Variants in CTNNA3 observed in about 807,000 individuals in gnomAD.
CTNNA3 encodes the protein catenin alpha 3, also known as catenin alpha-3.
In CTNNA3, 76 loss-of-function variants were observed where a neutral mutation model predicts 95.7. The ratio of observed to expected loss-of-function variants is 0.79; its 90% CI spans 0.66 to 0.96. CTNNA3 has a LOEUF of 0.96. CTNNA3 is among the 40% of genes least tolerant of loss of function. CTNNA3 has a pLI of 0.00. For missense variants in CTNNA3, 1,191 were observed against 1,089.8 expected (o/e 1.09, Z -1.31); for synonymous variants, 431 against 374.4 (o/e 1.15, Z -1.74).
intron 13 of CTNNA3, among the ~76,000 whole-genome samples, chr10:66,174,138 G>A (rs1437220508): frequency 6.6e-6 from 1 of 152,172 alleles, no homozygotes; most frequent in Non-Finnish European, 1.5e-5. Flanking sequence ...GCAAAGTTAA[G>A]TAACTTTCCC....
intron 11 of CTNNA3, among the ~76,000 whole-genome samples, chr10:66,414,722 G>A (rs1291554867): frequency 6.6e-6 from 1 of 152,080 alleles, no homozygotes; most frequent in Non-Finnish European, 1.5e-5. Context: ...GAAGCATTAG[G>A]CTGCTGCTCC....
intron 15 of CTNNA3, among the ~76,000 whole-genome samples, chr10:66,032,067 A>G (rs9645490): frequency 0.12 from 17,828 of 152,236 alleles, 1,241 homozygotes; most frequent in Non-Finnish European, 0.15. Context: ...GAGAACAGCT[A>G]AACATAAAAG....
intron 13 of CTNNA3, among the ~76,000 whole-genome samples, chr10:66,151,274 G>C (rs761946595): frequency 2.6e-5 from 4 of 151,944 alleles, no homozygotes; most frequent in Admixed American, 6.6e-5. Flanking sequence ...AAGGAAGTGT[G>C]ATAGGAGGGC....
chr10:67,037,350 G>A lies in CTNNA3; in HGVS notation c.1047+142967C>T, dbSNP rs115315153. ...AGCAGTTACTATGTGGCAACACTAT[G>A]TGGCAACAATGGAAATCTAAAAAAA... On this transcript the variant is annotated intron_variant, in intron 7 of 17. Coordinates refer to ENST00000433211, the MANE Select transcript of CTNNA3 (RefSeq NM_013266.4). 9.8e-3 allele frequency among the ~76,000 whole-genome samples: 1,410 copies of A among 143,708 alleles called. 28 individuals are homozygous for A. Among genetic ancestry groups the A allele is most frequent in the African/African-American group, 0.034 (1,305 of 38,348 alleles). The allele number at this position is 143,708 out of a possible 152,430, so 94.3% of individuals were successfully genotyped here. A position where few individuals can be genotyped will look rare whatever the true frequency, so the allele number is the denominator to read the frequency against.
chr10:66,142,476 T>C (rs2083669362), intron 13 of CTNNA3, among the ~76,000 whole-genome samples: 1 of 152,126 alleles, frequency 6.6e-6, no homozygotes. Context: ...AATATTGTCT[T>C]GTCTATTCCA....
At chr10:66,309,526 C>T (rs1475495740) in intron 12 of CTNNA3, among the ~76,000 whole-genome samples, 1 of 149,026 alleles carries the variant, frequency 6.7e-6, no homozygotes, top group African/African-American at 2.5e-5. Context: ...CCCCATCTAC[C>T]AAAAATACAA....
chr10:66,010,414 A>G (rs1000468593), intron 15 of CTNNA3, among the ~76,000 whole-genome samples: 2 of 152,178 alleles, frequency 1.3e-5, no homozygotes, highest in Non-Finnish European at 2.9e-5. Flanking sequence ...TTTTTAGACC[A>G]ACAAAAAACA....
chr10:67,292,666 A>C (rs1294211322), intron 5 of CTNNA3, among the ~76,000 whole-genome samples: 2 of 152,218 alleles, frequency 1.3e-5, no homozygotes, highest in Non-Finnish European at 2.9e-5. Flanking sequence ...CAACGTTTGT[A>C]ATAATGAAAA....
At chr10:66,961,473 C>A (rs1170301761) in intron 7 of CTNNA3, among the ~76,000 whole-genome samples, 1 of 152,196 alleles carries the variant, frequency 6.6e-6, no homozygotes, top group African/African-American at 2.4e-5. Context: ...TGGTGATTTT[C>A]TTCCAACCTC....
chr10:66,230,732 G>T (rs1175976704), intron 13 of CTNNA3, among the ~76,000 whole-genome samples: 1 of 152,172 alleles, frequency 6.6e-6, no homozygotes. Context: ...CCCTGATGGT[G>T]ATGGAAAGCC....
chr10:67,559,005 C>T (rs954056782), intron 3 of CTNNA3, among the ~76,000 whole-genome samples: 4 of 152,196 alleles, frequency 2.6e-5, no homozygotes, highest in African/African-American at 4.8e-5. Flanking sequence ...TGGGTGGAGC[C>T]CACCACAGCT....
At chr10:67,012,154 G>C (rs766265068) in intron 7 of CTNNA3, 1 of 152,162 alleles carries the variant, frequency 6.6e-6, no homozygotes, top group Admixed American at 6.5e-5. Flanking sequence ...GCACTGTACT[G>C]ACAGAAGGGG....
intron 6 of CTNNA3, among the ~76,000 whole-genome samples, chr10:67,195,007 C>T (rs886495665): frequency 1.3e-5 from 2 of 151,910 alleles, no homozygotes; most frequent in African/African-American, 4.8e-5. Flanking sequence ...TGAAAGGTTG[C>T]TGATTTTATA....
At chr10:66,817,508 G>C (rs1439892372) in intron 7 of CTNNA3, among the ~76,000 whole-genome samples, 1 of 151,888 alleles carries the variant, frequency 6.6e-6, no homozygotes, top group Non-Finnish European at 1.5e-5. Context: ...AACAGAAAAT[G>C]TTTAAATATT....
At chr10:66,203,095 G>A (rs1297145004) in intron 13 of CTNNA3, among the ~76,000 whole-genome samples, 3 of 152,140 alleles carry the variant, frequency 2.0e-5, no homozygotes, top group Non-Finnish European at 4.4e-5. Context: ...TTTGGACCAG[G>A]ATCAACCATA....
chr10:67,521,032 C>T (rs1298014454), intron 5 of CTNNA3, among the ~76,000 whole-genome samples: 3 of 152,182 alleles, frequency 2.0e-5, no homozygotes, highest in African/African-American at 4.8e-5. Context: ...GAGCACATTA[C>T]CGAATTTCAT....
At chr10:66,062,017 G>T (rs139399048) in intron 15 of CTNNA3, among the ~76,000 whole-genome samples, 61 of 152,222 alleles carry the variant, frequency 4.0e-4, no homozygotes, top group African/African-American at 1.4e-3. Flanking sequence ...CCCAAATTCT[G>T]AAGTCGGACC....
intron 13 of CTNNA3, among the ~76,000 whole-genome samples, chr10:66,168,573 T>C (rs894498951): frequency 5.9e-5 from 9 of 152,178 alleles, no homozygotes; most frequent in African/African-American, 2.2e-4. Context: ...TCTCACACTA[T>C]TCAGACCTCA....
At chr10:67,038,521 T>C (rs1854205496) in intron 7 of CTNNA3, among the ~76,000 whole-genome samples, 1 of 152,122 alleles carries the variant, frequency 6.6e-6, no homozygotes. Flanking sequence ...GGTTGATATA[T>C]ATTCTGATAT....
Sources: allele counts gnomAD v4.1 joint callset (sites outside exome capture counted in the v4.1 genomes callset), GRCh38; gene constraint gnomAD v4.1.1; transcripts MANE v1.5; gene names NCBI Gene and HGNC (gene_info 2026-07-23, HGNC 2026-07-21).